The following ROBO1 variants were observed in gnomAD, a reference collection of about 807,000 sequenced individuals.
The protein encoded by ROBO1 is roundabout guidance receptor 1, also known as roundabout homolog 1.
Under a neutral mutation model 195.9 loss-of-function variants are expected in ROBO1, and 149 were observed. The observed-to-expected ratio is 0.76, with a 90% CI of 0.67 to 0.87. ROBO1 has a LOEUF of 0.87. ROBO1 is among the 40% of genes least tolerant of loss of function. The pLI, the probability that ROBO1 is intolerant of heterozygous loss-of-function variation, is 0.00. For missense variants in ROBO1, 1,933 were observed against 2,068.3 expected, an observed-to-expected ratio of 0.93 and a Z score of 1.27; for synonymous variants, 816 against 733.2, an observed-to-expected ratio of 1.11 and a Z score of -1.82.
chr3:78,714,057 C>T (rs1001182805), intron 8 of ROBO1, among the ~76,000 whole-genome samples: 3 of 152,162 alleles, frequency 2.0e-5, no homozygotes, highest in Non-Finnish European at 4.4e-5. Flanking sequence ...ACAGCAATAG[C>T]TGTCATTTAA....
chr3:79,623,335 A>G (rs1051458328), intron 1 of ROBO1, among the ~76,000 whole-genome samples: 2 of 152,226 alleles, frequency 1.3e-5, no homozygotes, highest in East Asian at 3.8e-4. Flanking sequence ...ACAGAACTGG[A>G]TGGAGGATCA....
At chr3:79,476,744 G>A (rs973201951) in intron 2 of ROBO1, among the ~76,000 whole-genome samples, 1 of 151,892 alleles carries the variant, frequency 6.6e-6, no homozygotes, top group Non-Finnish European at 1.5e-5. Flanking sequence ...TGATACAATG[G>A]ACTTTGAGAA....
chr3:79,488,280 C>A (rs1398490361), intron 2 of ROBO1, among the ~76,000 whole-genome samples: 1 of 152,116 alleles, frequency 6.6e-6, no homozygotes, highest in South Asian at 2.1e-4. Context: ...TCTGTCTCTT[C>A]CCCTCCGTTT....
At chr3:79,669,136 A>C (rs1946557740) in intron 1 of ROBO1, among the ~76,000 whole-genome samples, 1 of 151,842 alleles carries the variant, frequency 6.6e-6, no homozygotes, top group Non-Finnish European at 1.5e-5. Flanking sequence ...AAGATAACTG[A>C]ATCATGGGAG....
chr3:79,245,839 C>T (rs1042159229), intron 2 of ROBO1, among the ~76,000 whole-genome samples: 2 of 151,710 alleles, frequency 1.3e-5, no homozygotes, highest in Non-Finnish European at 2.9e-5. Flanking sequence ...TGAAAAAAAT[C>T]TTACATTTTA....
intron 2 of ROBO1, among the ~76,000 whole-genome samples, chr3:79,363,282 T>C (rs569780629): frequency 6.6e-6 from 1 of 152,330 alleles, no homozygotes; most frequent in Admixed American, 6.5e-5. Flanking sequence ...TGTGTATTGC[T>C]TAAAACACTC....
At chr3:79,572,709 A>C (rs1002144699) in intron 2 of ROBO1, among the ~76,000 whole-genome samples, 6 of 152,138 alleles carry the variant, frequency 3.9e-5, no homozygotes, top group Admixed American at 2.6e-4. Flanking sequence ...ACAAGAGTAA[A>C]AGTTAGAAAC....
intron 8 of ROBO1, among the ~76,000 whole-genome samples, chr3:78,689,631 G>A (rs781149086): frequency 9.9e-5 from 15 of 151,666 alleles, no homozygotes; most frequent in African/African-American, 2.2e-4. Context: ...AATTCATTTC[G>A]TATCAGCTCT....
chr3:78,751,533 A>G (rs1023753944), intron 4 of ROBO1, among the ~76,000 whole-genome samples: 7 of 152,138 alleles, frequency 4.6e-5, no homozygotes, highest in Non-Finnish European at 8.8e-5. Flanking sequence ...TCCTCTACCA[A>G]GTTGCCTGCC....
chr3:78,832,135 A>G (rs2032281106), intron 4 of ROBO1, among the ~76,000 whole-genome samples: 2 of 152,178 alleles, frequency 1.3e-5, no homozygotes, highest in Admixed American at 6.5e-5. Context: ...TAAATTTTCA[A>G]AACAAAAAAG....
rs1047175933 is a variant in ROBO1, at chr3:79,298,518, T to C, written c.89-172979A>G. Reference sequence around the variant, plus strand: ...TTTGAAAAGACTGAACCATTCTTTTTAGCAACTAGTAATGAAATATTACTT... The same window carrying C: ...TTTGAAAAGACTGAACCATTCTTTTCAGCAACTAGTAATGAAATATTACTT... On this transcript the variant is annotated intron_variant, in intron 2 of 30. Transcript: ENST00000464233. Among the ~76,000 whole-genome samples the C allele has an allele frequency of 3.9e-5, 6 of 152,120 alleles. 1 individual carries two copies. The highest frequency in any genetic ancestry group is 1.4e-4 in the African/African-American group (6 of 41,440).
chr3:79,627,105 C>T (rs1945203104), intron 1 of ROBO1, among the ~76,000 whole-genome samples: 1 of 152,088 alleles, frequency 6.6e-6, no homozygotes, highest in Non-Finnish European at 1.5e-5. Context: ...TGCTATTCCC[C>T]ATGAAACTAC....
intron 3 of ROBO1, among the ~76,000 whole-genome samples, chr3:79,005,159 G>A (rs1387577678): frequency 2.6e-5 from 4 of 152,138 alleles, no homozygotes; most frequent in African/African-American, 7.2e-5. Flanking sequence ...TGTTGGTGAC[G>A]GTTTCCAGCT....
At chr3:78,609,595 CT>C (rs769225444) in intron 28 of ROBO1, among the ~76,000 whole-genome samples, 2 of 152,222 alleles carry the variant, frequency 1.3e-5, no homozygotes, top group East Asian at 3.9e-4. Flanking sequence ...GGGCTTTACT[CT>C]TTTTTGGAAA....
intron 3 of ROBO1, among the ~76,000 whole-genome samples, chr3:78,982,351 A>C (rs1170681367): frequency 1.3e-5 from 2 of 152,124 alleles, no homozygotes; most frequent in East Asian, 3.9e-4. Context: ...TTCTCCTGTT[A>C]ATCCATCCAT....
chr3:79,401,423 A>G (rs969405561), intron 2 of ROBO1, among the ~76,000 whole-genome samples: 47 of 151,996 alleles, frequency 3.1e-4, no homozygotes, highest in South Asian at 1.0e-3. Context: ...AGACATTATA[A>G]AAGTGAATTG....
intron 1 of ROBO1, among the ~76,000 whole-genome samples, chr3:79,742,685 T>G (rs973067641): frequency 7.2e-5 from 11 of 152,208 alleles, no homozygotes; most frequent in African/African-American, 2.7e-4. Flanking sequence ...AGGTAGTTCT[T>G]TATAGCCATG....
chr3:78,991,786 G>A (rs2077244343), intron 3 of ROBO1, among the ~76,000 whole-genome samples: 1 of 152,020 alleles, frequency 6.6e-6, no homozygotes, highest in Non-Finnish European at 1.5e-5. Flanking sequence ...AGACATACGA[G>A]AAAAAGCAGC....
At chr3:79,231,333 T>C (rs2082318063) in intron 2 of ROBO1, among the ~76,000 whole-genome samples, 1 of 152,122 alleles carries the variant, frequency 6.6e-6, no homozygotes, top group South Asian at 2.1e-4. Flanking sequence ...AAAAGTCTAA[T>C]ATTCACCACC....
Sources: allele counts gnomAD v4.1 joint callset (sites outside exome capture counted in the v4.1 genomes callset), GRCh38; gene constraint gnomAD v4.1.1; transcripts MANE v1.5; gene names NCBI Gene and HGNC (gene_info 2026-07-23, HGNC 2026-07-21).